Variants in ATG4C observed in about 807,000 individuals in gnomAD.
The protein encoded by ATG4C is cysteine protease ATG4C.
ATG4C carries 56 observed loss-of-function variants against 57.6 expected under a neutral mutation model. The ratio of observed to expected loss-of-function variants is 0.97; its 90% CI spans 0.78 to 1.21. ATG4C has a LOEUF of 1.21. ATG4C is among the 50% of genes most tolerant of loss of function. The probability of loss-of-function intolerance (pLI) is 0.00; values close to 1 mark genes in which losing one functional copy is unlikely to be tolerated. For synonymous variants in ATG4C, 157 were observed against 174.1 expected (o/e 0.90, Z 0.78); for missense variants, 595 against 529.8 (o/e 1.12, Z -1.21).
In ATG4C at chr1:62,816,566, A is replaced by C; in HGVS notation, c.161-9A>C. 6.3e-7 allele frequency: 1 copy of C among 1,588,136 alleles called. No individual in the cohort carries two copies. The highest frequency in any genetic ancestry group is 1.7e-5 in the Admixed American group (1 of 57,380). On this transcript the variant is annotated splice_polypyrimidine_tract_variant and intron_variant, in intron 3 of 10. Coordinates refer to ENST00000317868, the MANE Select transcript of ATG4C (RefSeq NM_032852.4). Reference sequence around the variant, plus strand: ...CTGGTTATCTTTAGACCGTATGTTTATTTTTTAGATGAAGATAAAACGTTA... The same window carrying C: ...CTGGTTATCTTTAGACCGTATGTTTCTTTTTTAGATGAAGATAAAACGTTA...
intron 3 of ATG4C, among the ~76,000 whole-genome samples, chr1:62,806,398 C>A (rs535010760): frequency 6.6e-6 from 1 of 151,098 alleles, no homozygotes; most frequent in African/African-American, 2.4e-5. Flanking sequence ...CACAGCAATA[C>A]GTATGGTTGA....
At chr1:62,791,815 A>G (rs918630411) in intron 1 of ATG4C, among the ~76,000 whole-genome samples, 3 of 152,122 alleles carry the variant, frequency 2.0e-5, no homozygotes, top group Non-Finnish European at 4.4e-5. Flanking sequence ...TGAATTTCCT[A>G]TCTTCACCTT....
chr1:62,839,503 T>C (rs906140410), intron 9 of ATG4C, among the ~76,000 whole-genome samples: 1 of 152,214 alleles, frequency 6.6e-6, no homozygotes, highest in Non-Finnish European at 1.5e-5. Flanking sequence ...TCCTTGTGAT[T>C]GTCTTTCGAA....
intron 10 of ATG4C, among the ~76,000 whole-genome samples, chr1:62,857,390 C>G (rs1180918779): frequency 6.6e-6 from 1 of 152,168 alleles, no homozygotes; most frequent in Non-Finnish European, 1.5e-5. Context: ...TGATCTGTCA[C>G]TGTCTCCCAT....
At chr1:62,822,536 T>C (rs1478472879) in intron 6 of ATG4C, among the ~76,000 whole-genome samples, 1 of 152,240 alleles carries the variant, frequency 6.6e-6, no homozygotes, top group African/African-American at 2.4e-5. Context: ...TTACATATAA[T>C]TAAGCAAACA....
intron 7 of ATG4C, among the ~76,000 whole-genome samples, chr1:62,832,666 C>CTGGGG (rs1665879415): frequency 6.6e-6 from 1 of 152,138 alleles, no homozygotes; most frequent in Non-Finnish European, 1.5e-5. Flanking sequence ...CAGCTTTCAA[C>CTGGGG]ACTACATTGG....
At chr1:62,818,575 A>G (rs1265451606) in intron 4 of ATG4C, among the ~76,000 whole-genome samples, 2 of 152,072 alleles carry the variant, frequency 1.3e-5, no homozygotes, top group Non-Finnish European at 2.9e-5. Context: ...AATTTTGGAA[A>G]CTACAGAAAA....
In ATG4C at chr1:62,864,777, GTA is replaced by G. The variant is rs1233973087; in HGVS notation, c.*620_*621del. 6.6e-6 allele frequency: 1 copy of G among 151,890 alleles called. No individual in the cohort carries two copies. The highest frequency in any genetic ancestry group is 2.4e-5 in the African/African-American group (1 of 41,408). 9.4% of individuals were successfully genotyped at this position (151,890 alleles called of 1,614,324 possible). A position where few individuals can be genotyped will look rare whatever the true frequency, so the allele number is the denominator to read the frequency against. The stretch of plus-strand genomic sequence containing the variant: ...ACCTTTTATGAGGAGTGAATATAAA[GTA>G]TTGGTTTTCCCTCACAAATTTAAAG... On this transcript the variant is annotated 3_prime_UTR_variant, in exon 11 of 11. Coordinates refer to ENST00000317868, the MANE Select transcript of ATG4C (RefSeq NM_032852.4).
chr1:62,794,577 G>T (rs1230666743), intron 1 of ATG4C, among the ~76,000 whole-genome samples: 2 of 152,048 alleles, frequency 1.3e-5, no homozygotes, highest in African/African-American at 4.8e-5. Flanking sequence ...TTGTGTTGCT[G>T]TTCCTTTTTT....
chr1:62,839,248 G>T (rs1666095314), intron 9 of ATG4C, among the ~76,000 whole-genome samples: 1 of 151,994 alleles, frequency 6.6e-6, no homozygotes, highest in African/African-American at 2.4e-5. Flanking sequence ...TTTAGAGGTG[G>T]GGTCTTGCCA....
At chr1:62,800,916 T>TA (rs1383997034) in intron 1 of ATG4C, among the ~76,000 whole-genome samples, 1 of 152,156 alleles carries the variant, frequency 6.6e-6, no homozygotes, top group Non-Finnish European at 1.5e-5. Context: ...CAGGAAATCT[T>TA]ACCAGTCTTA....
At chr1:62,844,932 A>C (rs1230466165) in intron 10 of ATG4C, among the ~76,000 whole-genome samples, 1 of 152,032 alleles carries the variant, frequency 6.6e-6, no homozygotes, top group African/African-American at 2.4e-5. Flanking sequence ...TAAACAGCTG[A>C]ATAGTGGTCC....
At chr1:62,851,898 C>G (rs1317353153) in intron 10 of ATG4C, among the ~76,000 whole-genome samples, 1 of 152,056 alleles carries the variant, frequency 6.6e-6, no homozygotes, top group Non-Finnish European at 1.5e-5. Flanking sequence ...TGGGTTAAAT[C>G]AAGGAATAGT....
intron 10 of ATG4C, among the ~76,000 whole-genome samples, chr1:62,850,898 A>G (rs1572170881): frequency 6.0e-5 from 4 of 67,134 alleles, no homozygotes; most frequent in African/African-American, 3.2e-4. Context: ...ATATATATAT[A>G]TATACATACA....
intron 10 of ATG4C, among the ~76,000 whole-genome samples, chr1:62,858,558 C>T (rs938691779): frequency 1.3e-5 from 2 of 151,964 alleles, no homozygotes; most frequent in Non-Finnish European, 2.9e-5. Flanking sequence ...TGATTTTTAT[C>T]TGCATTTTGG....
intron 10 of ATG4C, among the ~76,000 whole-genome samples, chr1:62,860,109 A>T (rs1666804771): frequency 6.6e-6 from 1 of 152,046 alleles, no homozygotes; most frequent in African/African-American, 2.4e-5. Flanking sequence ...CATACACATT[A>T]GTTTAGGCCT....
chr1:62,808,624 C>G (rs572679056), intron 3 of ATG4C, among the ~76,000 whole-genome samples: 1 of 151,976 alleles, frequency 6.6e-6, no homozygotes, highest in East Asian at 1.9e-4. Context: ...CCTGTAGAAA[C>G]CAAAGGAAAG....
At chr1:62,857,582 C>A (rs6656119) in intron 10 of ATG4C, among the ~76,000 whole-genome samples, 14 of 151,854 alleles carry the variant, frequency 9.2e-5, no homozygotes, top group Non-Finnish European at 2.9e-5. Context: ...CCCACCCCCC[C>A]AGTCCGTGGA....
At chr1:62,841,145 T>C (rs1051592023) in intron 9 of ATG4C, among the ~76,000 whole-genome samples, 1 of 152,212 alleles carries the variant, frequency 6.6e-6, no homozygotes, top group Non-Finnish European at 1.5e-5. Flanking sequence ...TTTCAAGTGT[T>C]AGAAATGCAT....
Sources: allele counts gnomAD v4.1 joint callset (sites outside exome capture counted in the v4.1 genomes callset), GRCh38; gene constraint gnomAD v4.1.1; transcripts MANE v1.5; gene names NCBI Gene and HGNC (gene_info 2026-07-23, HGNC 2026-07-21).